The following PHF20 variants were observed in gnomAD, a reference collection of about 807,000 sequenced individuals.
PHF20 encodes the protein glioma-expressed antigen 2.
In PHF20, 23 loss-of-function variants were observed where a neutral mutation model predicts 113.5. The observed-to-expected ratio is 0.20, with a 90% confidence interval of 0.15 to 0.29. The LOEUF is 0.29. Among genes scored for constraint, PHF20 ranks in the 10% least tolerant of loss-of-function variants. The pLI, the probability that PHF20 is intolerant of heterozygous loss-of-function variation, is 1.00. For missense variants in PHF20, 943 were observed against 1,219.6 expected (o/e 0.77, Z 3.38); for synonymous variants, 434 against 457.3 (o/e 0.95, Z 0.65).
rs145325259 is a variant in PHF20 at position 35,925,131 on chromosome 20, T to C, written c.2005-2649T>C. Among the ~76,000 whole-genome samples, 443 of 152,278 alleles carry C rather than the reference T, an allele frequency of 2.9e-3. 5 individuals are homozygous for C. The highest frequency in any genetic ancestry group is 0.011 in the African/African-American group (438 of 41,564). ...AATTCTATTTTAATTATTGTACCTT[T>C]ATAATATTTTTAAAATATCTGGTAT... On this transcript the variant is annotated intron_variant, in intron 13 of 17. Transcript: ENST00000374012.
intron 6 of PHF20, among the ~76,000 whole-genome samples, chr20:35,867,017 C>T (rs2054331381): frequency 6.6e-6 from 1 of 152,144 alleles, no homozygotes; most frequent in Admixed American, 6.5e-5. Flanking sequence ...ACAAGCTTCC[C>T]AGATGACTTA....
chr20:35,845,497 C>G (rs535232977), intron 3 of PHF20: 2 of 225,644 alleles, frequency 8.9e-6, no homozygotes, highest in Non-Finnish European at 9.6e-6. Flanking sequence ...TCCTGAGTAC[C>G]TGGGACTATA....
intron 1 of PHF20, among the ~76,000 whole-genome samples, chr20:35,785,539 C>G (rs1395817312): frequency 6.6e-6 from 1 of 151,566 alleles, no homozygotes; most frequent in East Asian, 1.9e-4. Context: ...AGGCTGGTCT[C>G]GAACTCCTGA....
rs112803709 is a variant in PHF20 at position 35,795,190 on chromosome 20, TAA to T, written c.-32-6286_-32-6285del. Among the ~76,000 whole-genome samples, 219 of 134,872 alleles carry T rather than the reference TAA, an allele frequency of 1.6e-3. 1 individual carries two copies. The highest frequency in any genetic ancestry group is 4.5e-3 in the African/African-American group (167 of 36,746). The allele number at this position is 134,872 out of a possible 152,430, so 88.5% of individuals were successfully genotyped here. A position where few individuals can be genotyped will look rare whatever the true frequency, so the allele number is the denominator to read the frequency against. On this transcript the variant is annotated intron_variant, in intron 1 of 17. Coordinates refer to ENST00000374012, the MANE Select transcript of PHF20 (RefSeq NM_016436.5). ...CTGGGGACAGAGCGAGACTCTGTCT[TAA>T]AAAAAAAAAAAAAAGGAAGAAAAAT...
At chr20:35,891,867 T>C (rs1268186323) in intron 9 of PHF20, among the ~76,000 whole-genome samples, 1 of 151,912 alleles carries the variant, frequency 6.6e-6, no homozygotes, top group Non-Finnish European at 1.5e-5. Flanking sequence ...ATATATTATT[T>C]ATTTATTTAT....
intron 17 of PHF20, among the ~76,000 whole-genome samples, chr20:35,946,437 A>AAAAT (rs751650845): frequency 1.4e-4 from 22 of 152,154 alleles, no homozygotes; most frequent in Admixed American, 3.3e-4. Context: ...CCATCTCAAA[A>AAAAT]AAATAAATAA....
chr20:35,797,214 C>A (rs113733573), intron 1 of PHF20, among the ~76,000 whole-genome samples: 7,262 of 150,600 alleles, frequency 0.048, 214 homozygotes, highest in African/African-American at 0.089. Context: ...TTTAAATAAC[C>A]TTAAAAGAAA....
chr20:35,822,976 T>C (rs1367054349), intron 2 of PHF20, among the ~76,000 whole-genome samples: 2 of 151,912 alleles, frequency 1.3e-5, no homozygotes, highest in Admixed American at 1.3e-4. Flanking sequence ...TGAACCAATA[T>C]TGACACCTCA....
At chr20:35,935,469 C>T (rs780105487) in intron 15 of PHF20, among the ~76,000 whole-genome samples, 7 of 152,186 alleles carry the variant, frequency 4.6e-5, no homozygotes, top group African/African-American at 1.2e-4. Flanking sequence ...CGAGTTCAAG[C>T]GATTCTTATG....
intron 10 of PHF20, among the ~76,000 whole-genome samples, chr20:35,906,660 A>T (rs919513231): frequency 6.6e-6 from 1 of 152,100 alleles, no homozygotes; most frequent in Non-Finnish European, 1.5e-5. Context: ...CTGGGAAGGG[A>T]AGTGAAGGGA....
intron 1 of PHF20, among the ~76,000 whole-genome samples, chr20:35,774,335 T>C (rs2146819277): frequency 6.6e-6 from 1 of 152,242 alleles, no homozygotes; most frequent in African/African-American, 2.4e-5. Flanking sequence ...CCTCCCAAAG[T>C]GCTGGGATTA....
At chr20:35,889,812 T>TCC (rs1203897768) in intron 9 of PHF20, among the ~76,000 whole-genome samples, 4 of 152,010 alleles carry the variant, frequency 2.6e-5, no homozygotes, top group African/African-American at 4.8e-5. Flanking sequence ...CACTGCAACC[T>TCC]CTGTCCCCAG....
intron 10 of PHF20, among the ~76,000 whole-genome samples, chr20:35,910,831 A>G (rs1220363880): frequency 6.6e-6 from 1 of 151,770 alleles, no homozygotes; most frequent in Non-Finnish European, 1.5e-5. Context: ...GTTTTATCGT[A>G]TTGGTCATGC....
Position 35,866,536 on chromosome 20 carries a change from A to C in PHF20, c.809-2902A>C, listed in dbSNP as rs141336177. On this transcript the variant is annotated intron_variant, in intron 6 of 17. Transcript: ENST00000374012. ...GGATGAGTGAGAGGCAGGCCCTTTTATGTAAAGTGGGAGAAGGGCAGTTAA... is the reference window on the plus strand; with the variant it reads ...GGATGAGTGAGAGGCAGGCCCTTTTCTGTAAAGTGGGAGAAGGGCAGTTAA... Among the ~76,000 whole-genome samples, 718 of 152,324 alleles carry C rather than the reference A, an allele frequency of 4.7e-3. 4 individuals are homozygous for C. Among genetic ancestry groups the C allele is most frequent in the African/African-American group, 0.016 (685 of 41,566 alleles).
At chr20:35,855,247 C>T in intron 4 of PHF20, 1 of 1,334,020 alleles carries the variant, frequency 7.5e-7, no homozygotes, top group South Asian at 1.2e-5. Flanking sequence ...CTTGCCAACA[C>T]CCTGACAATA....
At chr20:35,910,657 G>A (rs1157428571) in intron 10 of PHF20, among the ~76,000 whole-genome samples, 1 of 151,618 alleles carries the variant, frequency 6.6e-6, no homozygotes, top group Non-Finnish European at 1.5e-5. Context: ...CCGAGATGGA[G>A]TCGCTGTGTT....
At chr20:35,907,064 C>T (rs1568744093) in intron 10 of PHF20, among the ~76,000 whole-genome samples, 1 of 152,188 alleles carries the variant, frequency 6.6e-6, no homozygotes, top group African/African-American at 2.4e-5. Context: ...CTACCACCCC[C>T]TTGTGCAGAT....
intron 1 of PHF20, among the ~76,000 whole-genome samples, chr20:35,800,560 C>G (rs1344885932): frequency 6.6e-6 from 1 of 152,134 alleles, no homozygotes; most frequent in Non-Finnish European, 1.5e-5. Flanking sequence ...CACTTGAGGT[C>G]AGGTGTTTGA....
intron 2 of PHF20, among the ~76,000 whole-genome samples, chr20:35,802,942 A>G (rs2041809225): frequency 7.0e-6 from 1 of 143,514 alleles, no homozygotes; most frequent in South Asian, 2.2e-4. Context: ...CGGTCTGAAA[A>G]AAAAAAAAAA....
Sources: allele counts gnomAD v4.1 joint callset (sites outside exome capture counted in the v4.1 genomes callset), GRCh38; gene constraint gnomAD v4.1.1; transcripts MANE v1.5; gene names NCBI Gene and HGNC (gene_info 2026-07-23, HGNC 2026-07-21).